Variants in TARS1 observed in about 807,000 individuals in gnomAD.
The protein encoded by TARS1 is threonyl-tRNA synthetase 1, also known as threonine--tRNA ligase 1, cytoplasmic.
TARS1 carries 57 observed loss-of-function variants against 97.7 expected under a neutral mutation model. The ratio of observed to expected loss-of-function variants is 0.58; its 90% CI spans 0.47 to 0.73. The LOEUF (loss-of-function observed/expected upper bound fraction) is 0.73. Ranked by LOEUF, TARS1 falls within the 30% of genes least tolerant of loss-of-function variation. TARS1 has a pLI of 0.00. For synonymous variants in TARS1, 312 were observed against 293.7 expected (o/e 1.06, Z -0.64); for missense variants, 806 against 888.3 (o/e 0.91, Z 1.18).
intron 4 of TARS1, 83 bp from the exon 5 acceptor site, chr5:33,454,862 C>A (rs1579584120): frequency 6.6e-7 from 1 of 1,508,808 alleles, no homozygotes; most frequent in Admixed American, 2.1e-5. Context: ...TAAATATTAT[C>A]ATCTGTCTCT....
rs1742078001 is a variant in TARS1 at position 33,457,375 on chromosome 5, A to T, written c.956A>T (p.Lys319Ile). 2.5e-6 allele frequency: 4 copies of T among 1,614,040 alleles called. No homozygotes were observed. Among genetic ancestry groups the T allele is most frequent in the Non-Finnish European group, 3.4e-6 (4 of 1,180,000 alleles). Residue 319 changes from lysine (K) to isoleucine (I), a missense_variant, in exon 9 of 19, where the codon AAA becomes ATA. Physicochemically the swap from Lys to Ile is moderately radical, Grantham distance 102. Around this residue, in one of 3 missense-constraint regions of TARS1, gnomAD observed 446 missense variants for 511.0 expected, o/e 0.87. Transcript: ENST00000265112. ...KEWEKFQEEA[K>I]NRDHRKIGRD... Reference sequence around the variant, plus strand: ...TGGGAGAAGTTCCAAGAGGAAGCTAAAAACCGAGATCATAGGAAAATTGGC... The same window carrying T: ...TGGGAGAAGTTCCAAGAGGAAGCTATAAACCGAGATCATAGGAAAATTGGC...
chr5:33,455,718 T>C lies in TARS1; in HGVS notation c.693+14T>C, dbSNP rs1032951079. 6.5e-7 allele frequency: 1 copy of C among 1,528,346 alleles called. No individual in the cohort carries two copies. The highest frequency in any genetic ancestry group is 1.4e-5 in the African/African-American group (1 of 73,176). 94.7% of individuals were successfully genotyped at this position (1,528,346 alleles called of 1,614,324 possible). ...GCAATGTTTAAGGTAAATTGAACCA[T>C]AGTGCGTGGCCCCCACTGTTAATAT... On this transcript the variant is annotated intron_variant, in intron 6 of 18. Coordinates refer to ENST00000265112, the MANE Select transcript of TARS1 (RefSeq NM_152295.5).
intron 3 of TARS1, among the ~76,000 whole-genome samples, chr5:33,449,785 G>GA (rs1741638409): frequency 6.6e-6 from 1 of 151,856 alleles, no homozygotes; most frequent in Non-Finnish European, 1.5e-5. Flanking sequence ...TAAATAGTTG[G>GA]AAAAAATAAA....
intron 1 of TARS1, among the ~76,000 whole-genome samples, chr5:33,442,594 G>C (rs1424176644): frequency 6.6e-6 from 1 of 151,978 alleles, no homozygotes; most frequent in African/African-American, 2.4e-5. Flanking sequence ...GGAGTGCCGT[G>C]GTGCGATCTC....
intron 1 of TARS1, among the ~76,000 whole-genome samples, chr5:33,443,319 CCCT>C (rs1741220154): frequency 2.5e-5 from 3 of 117,660 alleles, no homozygotes; most frequent in Non-Finnish European, 5.2e-5. Context: ...CTCTCTCTCT[CCCT>C]CTCTCTCTCT....
rs116686295 is a variant in TARS1 at position 33,450,578 on chromosome 5, A to G, written c.329+1847A>G. On this transcript the variant is annotated intron_variant, in intron 3 of 18. Coordinates refer to ENST00000265112, the MANE Select transcript of TARS1 (RefSeq NM_152295.5). ...CATGCAAGTTTCTATGTGAGAGCAT[A>G]GAGAACTGGATAGACCTTTACGTAT... Among the ~76,000 whole-genome samples the G allele has an allele frequency of 2.5e-3, 381 of 152,356 alleles. 4 individuals are homozygous for G. Among genetic ancestry groups the G allele is most frequent in the African/African-American group, 8.8e-3 (368 of 41,584 alleles).
intron 1 of TARS1, 30 bp downstream of exon 1, chr5:33,441,173 A>G: frequency 1.2e-6 from 2 of 1,613,682 alleles, no homozygotes; most frequent in Non-Finnish European, 1.7e-6. Flanking sequence ...CCCAGAGACC[A>G]GCCTGGGACT....
chr5:33,461,927 G>A lies in TARS1; in HGVS notation c.1651G>A (p.Ala551Thr), dbSNP rs745617137. 19 of 1,613,782 alleles carry A rather than the reference G, an allele frequency of 1.2e-5. No individual in the cohort carries two copies. In the Admixed American group the frequency reaches 2.8e-4, roughly 24 times the overall value. The change falls in exon 15 of 19, where the codon GCG becomes ACG. Residue 551 changes from alanine (A) to threonine (T), a missense_variant. By Grantham distance (58) the Ala-to-Thr change is moderately conservative. Around this residue, in one of 3 missense-constraint regions of TARS1, gnomAD observed 446 missense variants for 511.0 expected, o/e 0.87. Coordinates refer to ENST00000265112, the MANE Select transcript of TARS1 (RefSeq NM_152295.5). ...GPKIDIQIKD[A>T]IGRYHQCATI... ...TTAGATTGACATACAGATTAAAGAT[G>A]CGATTGGGCGGTACCACCAGTGTGC... is the stretch of plus-strand genomic sequence containing the variant.
intron 3 of TARS1, among the ~76,000 whole-genome samples, chr5:33,453,023 G>A (rs531026427): frequency 6.6e-6 from 1 of 151,968 alleles, no homozygotes; most frequent in African/African-American, 2.4e-5. Context: ...AATTGATAGT[G>A]CTTATTTATC....
chr5:33,450,299 ATTG>A (rs1741670134), intron 3 of TARS1, among the ~76,000 whole-genome samples: 1 of 152,240 alleles, frequency 6.6e-6, no homozygotes, highest in African/African-American at 2.4e-5. Context: ...TCAATTTTGT[ATTG>A]TTGAACCAAA....
rs532189142 is a variant in TARS1 at position 33,450,337 on chromosome 5, C to T, written c.329+1606C>T. 7.2e-5 allele frequency among the ~76,000 whole-genome samples: 11 copies of T among 152,268 alleles called. 1 individual carries two copies. In the East Asian group the frequency reaches 2.1e-3, roughly 29 times the overall value. On this transcript the variant is annotated intron_variant, in intron 3 of 18. Coordinates refer to ENST00000265112, the MANE Select transcript of TARS1 (RefSeq NM_152295.5). ...ACACGTAAAAGAACAAGCACAAAAA[C>T]AGTTTGGGGAACCAACGTGGCTGAT... is the stretch of plus-strand genomic sequence containing the variant.
At chr5:33,462,071 G>A (rs1742319426) in intron 15 of TARS1, 28 bp from the exon 16 acceptor site, 1 of 1,604,040 alleles carries the variant, frequency 6.2e-7, no homozygotes, top group Non-Finnish European at 8.5e-7. Flanking sequence ...TATATAATAA[G>A]ACAAAACAAT....
chr5:33,460,766 C>A, intron 11 of TARS1, 136 bp from the exon 12 acceptor site: 2 of 1,007,160 alleles, frequency 2.0e-6, no homozygotes, highest in Non-Finnish European at 2.9e-6. Context: ...CTGTATGTAG[C>A]CCAGAATTTG....
intron 10 of TARS1, 58 bp from the exon 11 acceptor site, chr5:33,459,636 TC>T: frequency 2.5e-6 from 4 of 1,585,228 alleles, no homozygotes; most frequent in Non-Finnish European, 3.4e-6. Context: ...AAGTTTTTAC[TC>T]CCACTTGAAG....
rs767810651 is a variant in TARS1, at chr5:33,458,635, A to G, written c.1054A>G (p.Ile352Val). The G allele has an allele frequency of 1.9e-6, 3 of 1,613,582 alleles. No homozygotes were observed. The highest frequency in any genetic ancestry group is 1.1e-5 in the South Asian group (1 of 91,036). Residue 352 changes from isoleucine (I) to valine (V), a missense_variant, in exon 10 of 19, where the codon ATT becomes GTT. Around this residue, in one of 3 missense-constraint regions of TARS1, gnomAD observed 446 missense variants for 511.0 expected, o/e 0.87. Transcript: ENST00000265112. ...CTTTTTTCTGCCAAAAGGAGCCTAC[A>G]TTTATAATGCACTTATTGAATTCAT... is the stretch of plus-strand genomic sequence containing the variant. The part of the protein sequence containing the change: ...SCFFLPKGAY[I>V]YNALIEFIRS...
rs770986809 is a variant in TARS1 at position 33,457,405 on chromosome 5, T to A, written c.984+2T>A. ...CGAGATCATAGGAAAATTGGCAGGG[T>A]ATGTTCAAGAACAATGATGTGTCTT... On this transcript the variant is annotated splice_donor_variant, in intron 9 of 18. Transcript: ENST00000265112. LOFTEE classifies it high-confidence loss of function. 1 of 1,613,874 alleles carries A rather than the reference T, an allele frequency of 6.2e-7. No homozygotes were observed. The highest frequency in any genetic ancestry group is 2.2e-5 in the East Asian group (1 of 44,856).
rs572371704 is a variant in TARS1 at position 33,446,451 on chromosome 5, T to C, written c.138+1047T>C. Among the ~76,000 whole-genome samples the C allele has an allele frequency of 7.2e-5, 11 of 152,352 alleles. 1 individual carries two copies. In the South Asian group the frequency reaches 2.3e-3, roughly 32 times the overall value. ...AACATACGTGCTGTTCCATCACAGCTTGAGAAATGACCTGGAAATAAGACA... is the reference window on the plus strand; with the variant it reads ...AACATACGTGCTGTTCCATCACAGCCTGAGAAATGACCTGGAAATAAGACA... On this transcript the variant is annotated intron_variant, in intron 2 of 18. Coordinates refer to ENST00000265112, the MANE Select transcript of TARS1 (RefSeq NM_152295.5).
At chr5:33,445,254 A>T in intron 1 of TARS1, 70 bp from the exon 2 acceptor site, 1 of 1,160,732 alleles carries the variant, frequency 8.6e-7, no homozygotes, top group Non-Finnish European at 1.2e-6. Flanking sequence ...CATTCTCAAC[A>T]CTTCCTGGGG....
At chr5:33,445,697 T>G (rs1741378813) in intron 2 of TARS1, among the ~76,000 whole-genome samples, 1 of 152,248 alleles carries the variant, frequency 6.6e-6, no homozygotes. Flanking sequence ...CTGGTAATTA[T>G]TCAGTTGCCA....
Sources: allele counts gnomAD v4.1 joint callset (sites outside exome capture counted in the v4.1 genomes callset), GRCh38; gene constraint gnomAD v4.1.1; regional missense constraint gnomAD v4.1.1; transcripts MANE v1.5; gene names NCBI Gene and HGNC (gene_info 2026-07-23, HGNC 2026-07-21).